The following ADCY2 variants were observed in gnomAD, a reference collection of about 807,000 sequenced individuals.
ADCY2 encodes the protein adenylate cyclase type 2.
ADCY2 carries 31 observed loss-of-function variants against 125.2 expected under a neutral mutation model. That is an observed-to-expected ratio of 0.25 (90% confidence interval 0.19 to 0.33). The LOEUF is 0.33. ADCY2 is among the 10% of genes least tolerant of loss of function. The pLI is 1.00. For synonymous variants in ADCY2, 512 were observed against 548.4 expected, an observed-to-expected ratio of 0.93 and a Z score of 0.93; for missense variants, 904 against 1,418.2, an observed-to-expected ratio of 0.64 and a Z score of 5.82.
intron 22 of ADCY2, among the ~76,000 whole-genome samples, chr5:7,814,547 T>C (rs1327806524): frequency 6.6e-6 from 1 of 152,198 alleles, no homozygotes; most frequent in African/African-American, 2.4e-5. Context: ...AACCCTGCGT[T>C]ACTGCAATCC....
At chr5:7,438,407 T>A (rs962220175) in intron 2 of ADCY2, among the ~76,000 whole-genome samples, 7 of 152,152 alleles carry the variant, frequency 4.6e-5, no homozygotes, top group African/African-American at 1.7e-4. Flanking sequence ...GTTTTATACT[T>A]GTTAGAAGAT....
At chr5:7,769,863 G>A (rs575536620) in intron 17 of ADCY2, among the ~76,000 whole-genome samples, 40 of 152,296 alleles carry the variant, frequency 2.6e-4, no homozygotes, top group African/African-American at 8.7e-4. Context: ...CAATGATTAG[G>A]TCAAAACTGG....
chr5:7,543,969 G>A (rs1164903796), intron 3 of ADCY2, among the ~76,000 whole-genome samples: 1 of 131,718 alleles, frequency 7.6e-6, no homozygotes, highest in Non-Finnish European at 1.5e-5. Context: ...AGCCAGGATA[G>A]CACCACTGCA....
At chr5:7,524,264 GC>G (rs1734368287) in intron 3 of ADCY2, among the ~76,000 whole-genome samples, 1 of 152,154 alleles carries the variant, frequency 6.6e-6, no homozygotes, top group Non-Finnish European at 1.5e-5. Flanking sequence ...CCAATAAGTT[GC>G]AAATAGAGTA....
At chr5:7,741,621 C>G (rs531518681) in intron 14 of ADCY2, among the ~76,000 whole-genome samples, 1 of 60,756 alleles carries the variant, frequency 1.6e-5, no homozygotes, top group Non-Finnish European at 3.7e-5. Flanking sequence ...CCATCACCAT[C>G]ATTATCACCA....
intron 14 of ADCY2, among the ~76,000 whole-genome samples, chr5:7,729,942 G>A (rs568064339): frequency 6.6e-6 from 1 of 151,886 alleles, no homozygotes; most frequent in South Asian, 2.1e-4. Flanking sequence ...ATGGATGAAT[G>A]TAGAGTGGTG....
chr5:7,673,983 G>C (rs752091444), intron 4 of ADCY2, among the ~76,000 whole-genome samples: 2 of 152,162 alleles, frequency 1.3e-5, no homozygotes, highest in African/African-American at 4.8e-5. Context: ...TCCAGTGGGA[G>C]AAAATGATCC....
chr5:7,542,078 T>C lies in ADCY2; in HGVS notation c.570+21179T>C, dbSNP rs528862646. Among the ~76,000 whole-genome samples, 411 of 152,244 alleles carry C rather than the reference T, an allele frequency of 2.7e-3. 2 individuals carry two copies. The highest frequency in any genetic ancestry group is 9.6e-3 in the African/African-American group (400 of 41,556). On this transcript the variant is annotated intron_variant, in intron 3 of 24. Coordinates refer to ENST00000338316, the MANE Select transcript of ADCY2 (RefSeq NM_020546.3). The stretch of plus-strand genomic sequence containing the variant: ...CAGAAGGACATGTCGCCCCTTCTAC[T>C]TCAGAGGGAGTGGCCAAAGATGACT...
At chr5:7,585,149 T>A (rs921080595) in intron 3 of ADCY2, among the ~76,000 whole-genome samples, 1 of 152,186 alleles carries the variant, frequency 6.6e-6, no homozygotes, top group African/African-American at 2.4e-5. Context: ...GCTTTTTTTC[T>A]TTTGGGACCT....
At chr5:7,579,597 T>C (rs762448213) in intron 3 of ADCY2, among the ~76,000 whole-genome samples, 2 of 152,188 alleles carry the variant, frequency 1.3e-5, no homozygotes, top group Non-Finnish European at 2.9e-5. Context: ...AGACCAGATA[T>C]GGAGTTTGAC....
intron 3 of ADCY2, among the ~76,000 whole-genome samples, chr5:7,576,162 C>T (rs1026477834): frequency 6.6e-6 from 1 of 152,200 alleles, no homozygotes; most frequent in African/African-American, 2.4e-5. Flanking sequence ...AAAATGTTTT[C>T]TTTCTGGCTC....
chr5:7,477,028 A>C (rs1238528616), intron 2 of ADCY2, among the ~76,000 whole-genome samples: 2 of 152,122 alleles, frequency 1.3e-5, no homozygotes, highest in Non-Finnish European at 2.9e-5. Flanking sequence ...GAAAACCATA[A>C]AATTTTAGCT....
At chr5:7,497,964 C>G (rs528573995) in intron 2 of ADCY2, among the ~76,000 whole-genome samples, 19 of 152,142 alleles carry the variant, frequency 1.2e-4, no homozygotes, top group Admixed American at 5.9e-4. Flanking sequence ...GCAGTGTATT[C>G]ATTGAAACTG....
intron 16 of ADCY2, among the ~76,000 whole-genome samples, chr5:7,760,074 C>T (rs537807817): frequency 2.6e-5 from 4 of 152,330 alleles, no homozygotes; most frequent in Non-Finnish European, 5.9e-5. Context: ...ACAAGAATGC[C>T]TCAGCTCTCT....
At chr5:7,527,764 C>G (rs973497695) in intron 3 of ADCY2, among the ~76,000 whole-genome samples, 1 of 152,158 alleles carries the variant, frequency 6.6e-6, no homozygotes, top group African/African-American at 2.4e-5. Flanking sequence ...AGTGTGTAAT[C>G]AATAGCAATG....
At chr5:7,790,690 G>A (rs1214737761) in intron 20 of ADCY2, among the ~76,000 whole-genome samples, 2 of 152,086 alleles carry the variant, frequency 1.3e-5, no homozygotes, top group East Asian at 3.9e-4. Context: ...ATGGTGCCCA[G>A]GAAAAAGAAA....
intron 3 of ADCY2, among the ~76,000 whole-genome samples, chr5:7,552,666 C>T (rs1735377563): frequency 1.3e-5 from 2 of 152,124 alleles, no homozygotes; most frequent in Non-Finnish European, 2.9e-5. Context: ...GTAGAAAGAG[C>T]TCTGAAGAAA....
chr5:7,666,975 G>C (rs1359556866), intron 4 of ADCY2, among the ~76,000 whole-genome samples: 1 of 152,216 alleles, frequency 6.6e-6, no homozygotes, highest in Non-Finnish European at 1.5e-5. Context: ...CCTCAGGGAT[G>C]GGTTGTGTTC....
intron 2 of ADCY2, among the ~76,000 whole-genome samples, chr5:7,436,437 A>G (rs1186293877): frequency 6.6e-6 from 1 of 152,204 alleles, no homozygotes; most frequent in Non-Finnish European, 1.5e-5. Context: ...GTGAAACAAT[A>G]TATGCCTTGG....
Sources: gnomAD v4.1 joint callset for allele counts (sites outside exome capture counted in the v4.1 genomes callset) on GRCh38, gnomAD v4.1.1 for gene constraint, MANE v1.5 for transcripts, NCBI Gene and HGNC (gene_info 2026-07-23, HGNC 2026-07-21) for gene names.